CNRIP1: variants seen among roughly 807,000 people sequenced by gnomAD.
The protein encoded by CNRIP1 is cannabinoid receptor interacting protein 1, also known as CB1 cannabinoid receptor-interacting protein 1.
In CNRIP1, 10 loss-of-function variants were observed where a neutral mutation model predicts 15.2. That is an observed-to-expected ratio of 0.66 (90% CI 0.41 to 1.12). The LOEUF (loss-of-function observed/expected upper bound fraction) is 1.12. CNRIP1 is among the 50% of genes most tolerant of loss of function. The pLI is 0.00. For missense variants in CNRIP1, 211 were observed against 214.7 expected (o/e 0.98, Z 0.11); for synonymous variants, 91 against 83.2 (o/e 1.09, Z -0.51).
intron 2 of CNRIP1, among the ~76,000 whole-genome samples, chr2:68,301,324 C>T (rs1347184438): frequency 6.6e-6 from 1 of 152,112 alleles, no homozygotes; most frequent in Non-Finnish European, 1.5e-5. Context: ...GAAAGAGCAC[C>T]TGACAGTGCA....
intron 2 of CNRIP1, among the ~76,000 whole-genome samples, chr2:68,304,897 C>G (rs768610088): frequency 1.6e-4 from 24 of 152,168 alleles, no homozygotes; most frequent in Non-Finnish European, 3.1e-4. Flanking sequence ...AGATAGCCAA[C>G]ACAATCCAAT....
chr2:68,288,240 T>C (rs1029609870), downstream of CNRIP1, among the ~76,000 whole-genome samples: 1 of 152,178 alleles, frequency 6.6e-6, no homozygotes, highest in Non-Finnish European at 1.5e-5. Flanking sequence ...TAATAAAATA[T>C]CTGAGTAAAC....
downstream of CNRIP1, among the ~76,000 whole-genome samples, chr2:68,289,579 C>G (rs1041827878): frequency 2.0e-5 from 3 of 152,028 alleles, no homozygotes; most frequent in Non-Finnish European, 2.9e-5. Flanking sequence ...TTCCAGGGCT[C>G]AAGAGATCCT....
intron 2 of CNRIP1, among the ~76,000 whole-genome samples, chr2:68,308,163 A>C (rs747177009): frequency 1.3e-5 from 2 of 152,164 alleles, no homozygotes; most frequent in Non-Finnish European, 2.9e-5. Flanking sequence ...ACTGCACTCT[A>C]GCCTGGGTTA....
chr2:68,313,821 G>C (rs1197650646), intron 2 of CNRIP1, among the ~76,000 whole-genome samples: 3 of 152,068 alleles, frequency 2.0e-5, no homozygotes, highest in Non-Finnish European at 4.4e-5. Flanking sequence ...ATTTCCTATA[G>C]TCATTAGGAT....
intron 2 of CNRIP1, among the ~76,000 whole-genome samples, chr2:68,307,713 G>T (rs1245189187): frequency 1.3e-5 from 2 of 152,128 alleles, no homozygotes; most frequent in African/African-American, 4.8e-5. Flanking sequence ...AGATATGTCA[G>T]TTGCCCTCTA....
intron 1 of CNRIP1, among the ~76,000 whole-genome samples, chr2:68,317,621 A>AT (rs1207107506): frequency 1.3e-5 from 2 of 151,840 alleles, no homozygotes; most frequent in Non-Finnish European, 2.9e-5. Flanking sequence ...GTCCTCTAAT[A>AT]TTTTTTTTCT....
intron 2 of CNRIP1, among the ~76,000 whole-genome samples, chr2:68,308,674 A>T (rs55975718): frequency 0.014 from 2,149 of 152,304 alleles, 53 homozygotes; most frequent in African/African-American, 0.047. Context: ...GGTCTGAAAT[A>T]TAAGCATATT....
At chr2:68,288,913 T>C (rs1671096376), downstream of CNRIP1, among the ~76,000 whole-genome samples, 2 of 152,248 alleles carry the variant, frequency 1.3e-5, no homozygotes, top group East Asian at 1.9e-4. Flanking sequence ...ACGTATGATA[T>C]ATCATTTAAT....
intron 2 of CNRIP1, among the ~76,000 whole-genome samples, chr2:68,302,986 T>C (rs1377715981): frequency 6.6e-6 from 1 of 151,666 alleles, no homozygotes; most frequent in East Asian, 1.9e-4. Context: ...TAGCTGGGAC[T>C]ACAGGCGCCC....
chr2:68,316,306 A>G (rs747556895), intron 2 of CNRIP1: 6 of 152,142 alleles, frequency 3.9e-5, no homozygotes, highest in Non-Finnish European at 7.3e-5. Context: ...CAAACTCCCA[A>G]AGAGATTCTC....
intron 2 of CNRIP1, among the ~76,000 whole-genome samples, chr2:68,303,716 C>A (rs916740235): frequency 1.3e-4 from 20 of 152,172 alleles, no homozygotes; most frequent in Non-Finnish European, 4.4e-5. Context: ...ATGATTCAGA[C>A]TTAGTCATTA....
chr2:68,294,064 T>C, intron 2 of CNRIP1, 38 bp from the exon 3 acceptor site: 1 of 1,601,990 alleles, frequency 6.2e-7, no homozygotes, highest in Non-Finnish European at 8.5e-7. Context: ...AAAACCTCAT[T>C]CTGCCACGAG....
At chr2:68,305,244 C>CAAAA (rs60243249) in intron 2 of CNRIP1, among the ~76,000 whole-genome samples, 5 of 91,652 alleles carry the variant, frequency 5.5e-5, no homozygotes, top group African/African-American at 2.0e-4. Context: ...AACTCCGTCT[C>CAAAA]AAAAAAAAAA....
intron 2 of CNRIP1, among the ~76,000 whole-genome samples, chr2:68,306,128 A>AAAAAAAAAAAAAAAAAAAAAAC (rs1671836668): frequency 1.5e-5 from 2 of 131,944 alleles, no homozygotes; most frequent in African/African-American, 6.6e-5. Flanking sequence ...CCTCTACAAA[A>AAAAAAAAAAAAAAAAAAAAAAC]AAAAAAAAAA....
intron 2 of CNRIP1, among the ~76,000 whole-genome samples, chr2:68,306,148 A>AAAAAAAAAAAAAG (rs1417762144): frequency 6.9e-6 from 1 of 145,954 alleles, no homozygotes; most frequent in Non-Finnish European, 1.5e-5. Flanking sequence ...AAAAAAAAAA[A>AAAAAAAAAAAAAG]AAATTAGCTG....
intron 1 of CNRIP1, among the ~76,000 whole-genome samples, chr2:68,318,468 G>T (rs1672361424): frequency 6.6e-6 from 1 of 152,136 alleles, no homozygotes; most frequent in African/African-American, 2.4e-5. Context: ...GGTCTACTGG[G>T]TGCATTATCC....
intron 2 of CNRIP1, among the ~76,000 whole-genome samples, chr2:68,309,950 CGTATGTATGTATGTATGTATGTAT>C (rs140235944): frequency 1.3e-5 from 2 of 151,764 alleles, no homozygotes; most frequent in Admixed American, 1.3e-4. Flanking sequence ...TTTATATTTA[CGTATGTATGTATGTATGTATGTAT>C]GTATGCATGC....
intron 2 of CNRIP1, among the ~76,000 whole-genome samples, chr2:68,306,641 C>T (rs560595287): frequency 2.6e-5 from 4 of 152,010 alleles, no homozygotes; most frequent in Admixed American, 1.3e-4. Flanking sequence ...CTTAGCTGGG[C>T]GTGGTGGCGG....
Sources: allele counts gnomAD v4.1 joint callset (sites outside exome capture counted in the v4.1 genomes callset), GRCh38; gene constraint gnomAD v4.1.1; transcripts MANE v1.5; gene names NCBI Gene and HGNC (gene_info 2026-07-23, HGNC 2026-07-21).